KNOP1: variants seen among roughly 807,000 people sequenced by gnomAD.
KNOP1 encodes lysine-rich nucleolar protein 1.
In KNOP1, 20 loss-of-function variants were observed where a neutral mutation model predicts 30.6. The ratio of observed to expected loss-of-function variants is 0.65; its 90% confidence interval spans 0.46 to 0.95. The LOEUF is 0.95. Ranked by LOEUF, KNOP1 falls within the 40% of genes least tolerant of loss-of-function variation. KNOP1 has a pLI of 0.00. For missense variants in KNOP1, 540 were observed against 562.0 expected (o/e 0.96, Z 0.40); for synonymous variants, 204 against 210.0 (o/e 0.97, Z 0.25).
chr16:19,712,640 G>C (rs972029755), intron 2 of KNOP1, among the ~76,000 whole-genome samples: 1 of 152,196 alleles, frequency 6.6e-6, no homozygotes, highest in Non-Finnish European at 1.5e-5. Context: ...GCCCACAGCA[G>C]CTACCTCACC....
rs565251050 is a variant in KNOP1, at chr16:19,711,173, C to A, written c.987+199G>T. On this transcript the variant is annotated intron_variant, in intron 3 of 4. Transcript: ENST00000219837. ...GCCTCTCGGCCATGGCCACGGCAGC[C>A]GGAAGGGCCCCCAGCATGAGGATGG... 3.0e-3 allele frequency among the ~76,000 whole-genome samples: 460 copies of A among 152,384 alleles called. 2 individuals carry two copies. The highest frequency in any genetic ancestry group is 0.01 in the African/African-American group (431 of 41,604).
intron 1 of KNOP1, among the ~76,000 whole-genome samples, chr16:19,716,739 AG>A (rs1977121441): frequency 6.6e-6 from 1 of 152,252 alleles, no homozygotes; most frequent in Non-Finnish European, 1.5e-5. Context: ...AGCACAGTAC[AG>A]GAAGTTATCT....
Position 19,717,601 on chromosome 16 carries a change from A to T in KNOP1, c.-3+557T>A. 5.1e-6 allele frequency: 5 copies of T among 985,540 alleles called. No homozygotes were observed. In the South Asian group the frequency reaches 1.9e-4, roughly 37 times the overall value. 61.0% of individuals were successfully genotyped at this position (985,540 alleles called of 1,614,324 possible). A position where few individuals can be genotyped will look rare whatever the true frequency, so the allele number is the denominator to read the frequency against. ...TCCTCCTCTTTAGCCCTGCGACCAA[A>T]TGCATTCACTCTTTCAAGGAGAAAG... On this transcript the variant is annotated intron_variant, in intron 1 of 4. Coordinates refer to ENST00000219837, the MANE Select transcript of KNOP1 (RefSeq NM_001012991.3).
At chr16:19,707,890 C>T (rs1412963911) in intron 4 of KNOP1, among the ~76,000 whole-genome samples, 1 of 84,142 alleles carries the variant, frequency 1.2e-5, no homozygotes, top group Admixed American at 1.1e-4. Context: ...CGCACTCCCC[C>T]CACCTCCCTA....
At chr16:19,710,128 C>T (rs560327010) in intron 4 of KNOP1, 25 of 285,420 alleles carry the variant, frequency 8.8e-5, no homozygotes, top group African/African-American at 4.7e-4. Flanking sequence ...AGAGGGGCCG[C>T]GACCACTCCC....
In KNOP1 at chr16:19,706,914, T is replaced by C. The variant is rs753304515; in HGVS notation, c.1373A>G (p.Asp458Gly). 19 of 1,611,962 alleles carry C rather than the reference T, an allele frequency of 1.2e-5. No individual in the cohort carries two copies. In the Middle Eastern group the frequency reaches 6.5e-4, roughly 55 times the overall value. Residue 458 changes from aspartate to glycine, a missense_variant, in exon 5 of 5, where the codon GAT (aspartate) becomes GGT (glycine). Physicochemically the swap from Asp to Gly is moderately conservative, Grantham distance 94 (BLOSUM62 -1). Coordinates refer to ENST00000219837, the MANE Select transcript of KNOP1 (RefSeq NM_001012991.3). ...GGGGGGACAAAACTCTAGAGTTTAA[T>C]CTTCCAGCTTGACTGACTTGGAAGC... ...RNASKSVKLE[D>G]
Position 19,718,181 on chromosome 16 carries a change from C to A in KNOP1, c.-26G>T. The A allele has an allele frequency of 6.7e-7, 1 of 1,489,268 alleles. No individual in the cohort carries two copies. The highest frequency in any genetic ancestry group is 2.5e-5 in the East Asian group (1 of 40,524). 92.3% of individuals were successfully genotyped at this position (1,489,268 alleles called of 1,614,324 possible). Reference sequence around the variant, plus strand: ...ACCGGTGGGCGAAATTTCCCCGCCTCCACGTGAGAGCCAGCTCCGCCGTGA... The same window carrying A: ...ACCGGTGGGCGAAATTTCCCCGCCTACACGTGAGAGCCAGCTCCGCCGTGA... On this transcript the variant is annotated 5_prime_UTR_variant, in exon 1 of 5. Transcript: ENST00000219837.
In KNOP1 at chr16:19,706,904, T is replaced by C; in HGVS notation, c.*6A>G. On this transcript the variant is annotated 3_prime_UTR_variant, in exon 5 of 5. Coordinates refer to ENST00000219837, the MANE Select transcript of KNOP1 (RefSeq NM_001012991.3). Reference sequence around the variant, plus strand: ...TGGCAGTTTTGGGGGGACAAAACTCTAGAGTTTAATCTTCCAGCTTGACTG... The same window carrying C: ...TGGCAGTTTTGGGGGGACAAAACTCCAGAGTTTAATCTTCCAGCTTGACTG... 1.2e-6 allele frequency: 2 copies of C among 1,611,168 alleles called. No homozygotes were observed. The highest frequency in any genetic ancestry group is 1.7e-6 in the Non-Finnish European group (2 of 1,179,582).
chr16:19,710,534 T>G lies in KNOP1; in HGVS notation c.1040A>C (p.Glu347Ala). ...CGTCCACTTCCTGGTTTCAGAAGCTTCCGTTTTGCCTGACTCGCGATCGAT... is the reference window on the plus strand; with the variant it reads ...CGTCCACTTCCTGGTTTCAGAAGCTGCCGTTTTGCCTGACTCGCGATCGAT... ...EEIDRESGKT[E>A]ASETRKWTGT... is the part of the protein sequence containing the mutation. The change falls in exon 4 of 5, where the codon GAA (glutamate) becomes GCA (alanine). Residue 347 changes from glutamate to alanine, a missense_variant. Coordinates refer to ENST00000219837, the MANE Select transcript of KNOP1 (RefSeq NM_001012991.3). The G allele has an allele frequency of 6.2e-7, 1 of 1,612,734 alleles. No individual in the cohort carries two copies. The highest frequency in any genetic ancestry group is 8.5e-7 in the Non-Finnish European group (1 of 1,180,028).
intron 1 of KNOP1, chr16:19,716,581 G>GA (rs1346753476): frequency 6.6e-6 from 1 of 152,234 alleles, no homozygotes; most frequent in African/African-American, 2.4e-5. Flanking sequence ...TGGCCGTGCT[G>GA]ACACGGGCGA....
At position 19,707,179 on chromosome 16, in the gene KNOP1, C is replaced by T. The variant is rs762475556; in HGVS notation, c.1108G>A (p.Glu370Lys). 120 of 1,613,810 alleles carry T rather than the reference C, an allele frequency of 7.4e-5. 3 individuals carry two copies. The South Asian group carries it at 1.2e-3, about 16-fold the overall frequency. ...CTGAGAAATTTCAGTTTTTGGTCCT[C>T]GTTCTCAAAACCAGCAGTATCCCAC... ...GQWDTAGFEN[E>K]DQKLKFLRLM... The change falls in exon 5 of 5, where the codon GAG becomes AAG. Residue 370 changes from glutamate (E) to lysine (K), a missense_variant. By Grantham distance (56) the Glu-to-Lys change is moderately conservative. Transcript: ENST00000219837.
At position 19,705,470 on chromosome 16, in the gene KNOP1, C is replaced by T. The variant is rs1023200719; in HGVS notation, c.*1440G>A. 9.2e-6 allele frequency: 3 copies of T among 326,538 alleles called. No homozygotes were observed. Among genetic ancestry groups the T allele is most frequent in the Admixed American group, 8.1e-5 (2 of 24,700 alleles). The allele number at this position is 326,538 out of a possible 1,614,324, so 20.2% of individuals were successfully genotyped here. Reference sequence around the variant, plus strand: ...TTGCTGTAGAGTCCAGGCTTGGAAACGCTGTCCCCACAGCCGATGAGGCAA... The same window carrying T: ...TTGCTGTAGAGTCCAGGCTTGGAAATGCTGTCCCCACAGCCGATGAGGCAA... On this transcript the variant is annotated 3_prime_UTR_variant, in exon 5 of 5. Transcript: ENST00000219837.
intron 1 of KNOP1, chr16:19,715,414 T>TC (rs1313305523): frequency 3.0e-5 from 3 of 99,832 alleles, no homozygotes; most frequent in Non-Finnish European, 6.4e-5. Flanking sequence ...TCTTTTTCTC[T>TC]TTTTTTTTTT....
intron 1 of KNOP1, among the ~76,000 whole-genome samples, chr16:19,717,053 G>A (rs912317817): frequency 2.0e-5 from 3 of 152,142 alleles, no homozygotes; most frequent in Admixed American, 1.3e-4. Context: ...ATGTTGGCCA[G>A]GCTGGTCTCC....
rs1409006678 is a variant in KNOP1, at chr16:19,707,003, G to C, written c.1284C>G (p.Tyr428Ter). The change falls in exon 5 of 5, where the codon TAC becomes TAG. Residue 428 changes from tyrosine (Y) to a stop codon, truncating the protein, a stop_gained. Transcript: ENST00000219837. LOFTEE classifies it high-confidence loss of function. ...AGAAGCCGAGGCCGGCTCCCCGGCT[G>C]TACTTCCAGCTCATGGCCCGGTCGT... is the stretch of plus-strand genomic sequence containing the variant. ...RDYDRAMSWK[Y>*]SRGAGLGFST... 2 of 1,613,964 alleles carry C rather than the reference G, an allele frequency of 1.2e-6. No individual in the cohort carries two copies. The highest frequency in any genetic ancestry group is 3.3e-5 in the Admixed American group (2 of 60,006).
chr16:19,710,909 C>T (rs1976680428), intron 3 of KNOP1, among the ~76,000 whole-genome samples: 1 of 98,550 alleles, frequency 1.0e-5, no homozygotes, highest in Admixed American at 1.0e-4. Context: ...GAGACTCCGT[C>T]TCAAAAAAAA....
chr16:19,716,728 G>A (rs1433466268), intron 1 of KNOP1, among the ~76,000 whole-genome samples: 2 of 152,220 alleles, frequency 1.3e-5, no homozygotes, highest in Non-Finnish European at 2.9e-5. Flanking sequence ...CAAAATAGGT[G>A]AGCACAGTAC....
Position 19,706,735 on chromosome 16 carries a change from C to A in KNOP1, c.*175G>T. ...CTTTCATTTGCACAACTGAATAAAC[C>A]ATTTATGCCTAGTGTTCCATTACTG... is the stretch of plus-strand genomic sequence containing the variant. On this transcript the variant is annotated 3_prime_UTR_variant, in exon 5 of 5. Transcript: ENST00000219837. 1.4e-6 allele frequency: 1 copy of A among 695,674 alleles called. No individual in the cohort carries two copies. Among genetic ancestry groups the A allele is most frequent in the East Asian group, 2.5e-5 (1 of 39,308 alleles). The allele number at this position is 695,674 out of a possible 1,614,324, so 43.1% of individuals were successfully genotyped here.
Position 19,705,865 on chromosome 16 carries a change from C to T in KNOP1, c.*1045G>A, listed in dbSNP as rs1260847472. On this transcript the variant is annotated 3_prime_UTR_variant, in exon 5 of 5. Transcript: ENST00000219837. The stretch of plus-strand genomic sequence containing the variant: ...CCGTGATATGCCACTACACTCCAGC[C>T]TGGGTGACAGAGTGAGAGCCTATCT... 1 of 152,484 alleles carries T rather than the reference C, an allele frequency of 6.6e-6. No homozygotes were observed. The highest frequency in any genetic ancestry group is 1.5e-5 in the Non-Finnish European group (1 of 68,244). 9.4% of individuals were successfully genotyped at this position (152,484 alleles called of 1,614,324 possible). A position where few individuals can be genotyped will look rare whatever the true frequency, so the allele number is the denominator to read the frequency against.
Sources: gnomAD v4.1 joint callset for allele counts (sites outside exome capture counted in the v4.1 genomes callset) on GRCh38, gnomAD v4.1.1 for gene constraint, MANE v1.5 for transcripts, NCBI Gene and HGNC (gene_info 2026-07-23, HGNC 2026-07-21) for gene names.